PRUNE2: variants seen among roughly 807,000 people sequenced by gnomAD.
The protein encoded by PRUNE2 is prune homolog 2 with BCH domain, also known as protein prune homolog 2.
Under a neutral mutation model 252.0 loss-of-function variants are expected in PRUNE2, and 164 were observed. That is an observed-to-expected ratio of 0.65 (90% confidence interval 0.57 to 0.74). The LOEUF (loss-of-function observed/expected upper bound fraction) is 0.74. PRUNE2 is among the 30% of genes least tolerant of loss of function. The pLI, the probability that PRUNE2 is intolerant of heterozygous loss-of-function variation, is 0.00. For synonymous variants in PRUNE2, 1,292 were observed against 1,350.2 expected (o/e 0.96, Z 0.94); for missense variants, 3,495 against 3,711.0 (o/e 0.94, Z 1.51).
chr9:76,803,461 G>A (rs1410293680), intron 6 of PRUNE2, among the ~76,000 whole-genome samples: 1 of 152,038 alleles, frequency 6.6e-6, no homozygotes, highest in African/African-American at 2.4e-5. Flanking sequence ...CCTGATCCTA[G>A]GTAAAAACTC....
chr9:76,805,187 C>A lies in PRUNE2; in HGVS notation c.756+18445G>T, dbSNP rs568365989. On this transcript the variant is annotated intron_variant, in intron 6 of 18. Coordinates refer to ENST00000376718, the MANE Select transcript of PRUNE2 (RefSeq NM_015225.3). ...CCAGCTGCCCCCGCATTTGTTCCAGCCTTCCCAGCTGAGGCCCCCCACCGC... is the reference window on the plus strand; with the variant it reads ...CCAGCTGCCCCCGCATTTGTTCCAGACTTCCCAGCTGAGGCCCCCCACCGC... Among the ~76,000 whole-genome samples the A allele has an allele frequency of 4.6e-4, 70 of 152,322 alleles. No homozygotes were observed. In the South Asian group the frequency reaches 0.01, roughly 22 times the overall value.
intron 6 of PRUNE2, among the ~76,000 whole-genome samples, chr9:76,801,711 G>T (rs982351238): frequency 2.0e-5 from 3 of 152,110 alleles, no homozygotes; most frequent in African/African-American, 4.8e-5. Context: ...ATAATACAGA[G>T]CATTCTCTGC....
At chr9:76,781,871 T>C (rs568698136) in intron 6 of PRUNE2, among the ~76,000 whole-genome samples, 5 of 152,262 alleles carry the variant, frequency 3.3e-5, no homozygotes, top group African/African-American at 1.2e-4. Flanking sequence ...TGAATGGAGA[T>C]GTTGGAGTCA....
In PRUNE2 at chr9:76,709,158, T is replaced by A; in HGVS notation, c.3116A>T (p.Asp1039Val). 1 of 1,614,022 alleles carries A rather than the reference T, an allele frequency of 6.2e-7. No individual in the cohort carries two copies. Among genetic ancestry groups the A allele is most frequent in the Non-Finnish European group, 8.5e-7 (1 of 1,179,898 alleles). Residue 1039 changes from aspartate (D) to valine (V), a missense_variant, in exon 8 of 19, where the codon GAT becomes GTT. Transcript: ENST00000376718. Reference protein sequence around the residue: ...NLDMWASPHTDNSSEINTTHN... With the variant: ...NLDMWASPHTVNSSEINTTHN... ...AGTGGTATTTATTTCAGAACTGTTA[T>A]CTGTATGAGGTGAAGCCCACATGTC...
At chr9:76,761,802 ACT>A (rs2051757154) in intron 6 of PRUNE2, among the ~76,000 whole-genome samples, 1 of 152,226 alleles carries the variant, frequency 6.6e-6, no homozygotes, top group African/African-American at 2.4e-5. Flanking sequence ...TCCAAATAGC[ACT>A]CTGTCAATCT....
intron 9 of PRUNE2, among the ~76,000 whole-genome samples, chr9:76,666,254 A>G (rs1052528479): frequency 1.3e-5 from 2 of 152,184 alleles, no homozygotes; most frequent in South Asian, 2.1e-4. Context: ...GCTACTTAGC[A>G]GACCTGGAAA....
At chr9:76,746,890 T>A (rs938055996) in intron 6 of PRUNE2, among the ~76,000 whole-genome samples, 5 of 152,202 alleles carry the variant, frequency 3.3e-5, no homozygotes, top group African/African-American at 1.2e-4. Flanking sequence ...TTCATCCACA[T>A]CCTTTGTAGC....
rs2046691159 is a variant in PRUNE2 at position 76,711,077 on chromosome 9, A to T, written c.1197T>A (p.Ser399=). Reference sequence around the variant, plus strand: ...CTGGAGGGTTCTCTATGAAATTCACAGAGCTGGGTTGTGGCTCTATGTCAG... The same window carrying T: ...CTGGAGGGTTCTCTATGAAATTCACTGAGCTGGGTTGTGGCTCTATGTCAG... ...YGSDIEPQPS[S]VNFIENPPDL... Residue 399 remains serine, a synonymous_variant, in exon 8 of 19, where the codon TCT becomes TCA. Coordinates refer to ENST00000376718, the MANE Select transcript of PRUNE2 (RefSeq NM_015225.3). The T allele has an allele frequency of 6.2e-7, 1 of 1,614,024 alleles. No individual in the cohort carries two copies. The highest frequency in any genetic ancestry group is 8.5e-7 in the Non-Finnish European group (1 of 1,179,888).
intron 12 of PRUNE2, chr9:76,642,015 AAAG>A (rs1425937694): frequency 1.5e-5 from 20 of 1,345,086 alleles, no homozygotes; most frequent in African/African-American, 3.0e-5. Flanking sequence ...AAAAAAAAAA[AAAG>A]AAAAGAAAAA....
chr9:76,746,345 G>T (rs1485484479), intron 6 of PRUNE2, among the ~76,000 whole-genome samples: 1 of 152,190 alleles, frequency 6.6e-6, no homozygotes, highest in African/African-American at 2.4e-5. Context: ...GCAGGCTGAA[G>T]CTTGAATTAA....
chr9:76,614,982 C>G (rs934004988), intron 18 of PRUNE2: 57 of 481,166 alleles, frequency 1.2e-4, no homozygotes, highest in Non-Finnish European at 1.5e-4. Context: ...AACAAATGTT[C>G]TGCCTCAAGT....
intron 1 of PRUNE2, among the ~76,000 whole-genome samples, chr9:76,899,408 C>T (rs1379207785): frequency 1.3e-5 from 2 of 152,176 alleles, no homozygotes; most frequent in Non-Finnish European, 2.9e-5. Flanking sequence ...CAATATGGTG[C>T]TCCTTGACTT....
intron 1 of PRUNE2, 36 bp downstream of exon 1, chr9:76,905,892 C>T (rs779945844): frequency 9.3e-6 from 15 of 1,613,970 alleles, no homozygotes; most frequent in Non-Finnish European, 1.2e-5. Context: ...AGCATACGCG[C>T]GCGCGCACAC....
intron 1 of PRUNE2, among the ~76,000 whole-genome samples, chr9:76,898,320 C>T (rs1412783770): frequency 4.6e-5 from 7 of 152,166 alleles, no homozygotes; most frequent in Admixed American, 6.5e-5. Flanking sequence ...TTTATGGGCT[C>T]AGATATAAGG....
At chr9:76,857,212 C>A in intron 1 of PRUNE2, 1 of 446,932 alleles carries the variant, frequency 2.2e-6, no homozygotes, top group South Asian at 1.6e-5. Flanking sequence ...TCTCTTTCCC[C>A]CTCCACCCCC....
At chr9:76,747,061 T>G (rs2050188946) in intron 6 of PRUNE2, among the ~76,000 whole-genome samples, 1 of 151,972 alleles carries the variant, frequency 6.6e-6, no homozygotes, top group Non-Finnish European at 1.5e-5. Flanking sequence ...AAGTAGGAGG[T>G]GGTCTTGTAG....
chr9:76,715,041 A>G (rs141244474), intron 6 of PRUNE2, among the ~76,000 whole-genome samples: 2 of 152,356 alleles, frequency 1.3e-5, no homozygotes, highest in East Asian at 3.9e-4. Context: ...TTTTCTGATT[A>G]TAATAGCAAT....
At position 76,845,014 on chromosome 9, in the gene PRUNE2, A is replaced by AG. The variant is rs2059597032; in HGVS notation, c.508+1500_508+1501insC. Among the ~76,000 whole-genome samples the AG allele has an allele frequency of 2.0e-5, 3 of 150,636 alleles. No individual in the cohort carries two copies. The South Asian group carries it at 6.3e-4, about 31-fold the overall frequency. On this transcript the variant is annotated intron_variant, in intron 4 of 18. Coordinates refer to ENST00000376718, the MANE Select transcript of PRUNE2 (RefSeq NM_015225.3). ...CCCCCCTCTCTTAAAAAAAAAAAAAAAAAAAAAAAAAAGCAAAAAAATTTA... is the reference window on the plus strand; with the variant it reads ...CCCCCCTCTCTTAAAAAAAAAAAAAAGAAAAAAAAAAAAGCAAAAAAATTTA...
chr9:76,808,033 C>T (rs1281395766), intron 6 of PRUNE2, among the ~76,000 whole-genome samples: 2 of 152,172 alleles, frequency 1.3e-5, no homozygotes, highest in African/African-American at 2.4e-5. Context: ...CAAAAATGAG[C>T]TTGGTGTGGC....
Sources: gnomAD v4.1 joint callset for allele counts (sites outside exome capture counted in the v4.1 genomes callset) on GRCh38, gnomAD v4.1.1 for gene constraint, MANE v1.5 for transcripts, NCBI Gene and HGNC (gene_info 2026-07-23, HGNC 2026-07-21) for gene names.